The following PIGT variants were observed in gnomAD, a reference collection of about 807,000 sequenced individuals.
The protein encoded by PIGT is GPI-anchor transamidase component PIGT.
PIGT carries 57 observed loss-of-function variants against 66.7 expected under a neutral mutation model. The ratio of observed to expected loss-of-function variants is 0.86; its 90% confidence interval spans 0.69 to 1.07. The LOEUF is 1.07. PIGT is among the 50% of genes least tolerant of loss of function. The pLI, the probability that PIGT is intolerant of heterozygous loss-of-function variation, is 0.00. For synonymous variants in PIGT, 362 were observed against 320.5 expected, an observed-to-expected ratio of 1.13 and a Z score of -1.38; for missense variants, 725 against 740.4, an observed-to-expected ratio of 0.98 and a Z score of 0.24.
In PIGT at chr20:45,418,922, G is replaced by A. The variant is rs754691323; in HGVS notation, c.436G>A (p.Asp146Asn). ...GIFCASLNFI[D>N]STNTVTPTAS... Reference sequence around the variant, plus strand: ...CTTCTGCGCCTCTCTCAACTTCATCGACTCCACCAACACAGTCACTCCCAC... The same window carrying A: ...CTTCTGCGCCTCTCTCAACTTCATCAACTCCACCAACACAGTCACTCCCAC... The change falls in exon 3 of 12, where the codon GAC becomes AAC. Residue 146 changes from aspartate (D) to asparagine (N), a missense_variant. Coordinates refer to ENST00000279036, the MANE Select transcript of PIGT (RefSeq NM_015937.6). 16 of 1,613,954 alleles carry A rather than the reference G, an allele frequency of 9.9e-6. No individual in the cohort carries two copies. Among genetic ancestry groups the A allele is most frequent in the East Asian group, 2.2e-5 (1 of 44,876 alleles).
Position 45,418,995 on chromosome 20 carries a change from C to T in PIGT, c.493+16C>T, listed in dbSNP as rs776513228. The T allele has an allele frequency of 5.6e-6, 9 of 1,614,016 alleles. No homozygotes were observed. The highest frequency in any genetic ancestry group is 3.3e-5 in the Admixed American group (2 of 60,024). ...CTGGCCAATGGTGAGATAACCCCTA[C>T]AGCCCTTTCCTTCTTCCTCTTACCT... On this transcript the variant is annotated intron_variant, in intron 3 of 11. Coordinates refer to ENST00000279036, the MANE Select transcript of PIGT (RefSeq NM_015937.6).
At chr20:45,420,739 GA>G (rs1990310533) in intron 8 of PIGT, 46 bp downstream of exon 8, 5 of 1,591,482 alleles carry the variant, frequency 3.1e-6, no homozygotes, top group Non-Finnish European at 4.3e-6. Context: ...CGGCTACAGA[GA>G]AAAGACTCAC....
At chr20:45,418,639 G>T in intron 2 of PIGT, 1 of 538,652 alleles carries the variant, frequency 1.9e-6, no homozygotes, top group Non-Finnish European at 3.4e-6. Context: ...ATGCAGAGAT[G>T]TCCAGAGGAG....
At chr20:45,418,702 G>A in intron 2 of PIGT, 150 bp from the exon 3 acceptor site, 1 of 917,964 alleles carries the variant, frequency 1.1e-6, no homozygotes, top group Non-Finnish European at 1.7e-6. Flanking sequence ...GGCTGGCTGG[G>A]GGCAGCAATG....
intron 9 of PIGT, 22 bp downstream of exon 9, chr20:45,421,605 C>T (rs755879674): frequency 6.2e-7 from 1 of 1,604,774 alleles, no homozygotes; most frequent in African/African-American, 1.3e-5. Context: ...AGTCCTGAAC[C>T]AGGCCCCCAG....
At chr20:45,421,323 T>G (rs2145454304) in intron 8 of PIGT, 60 bp from the exon 9 acceptor site, 2 of 1,434,164 alleles carry the variant, frequency 1.4e-6, no homozygotes, top group Non-Finnish European at 1.9e-6. Context: ...CCTGGGCAGG[T>G]GGGGTGGGGA....
At chr20:45,423,031 G>C (rs1206149855) in intron 9 of PIGT, 1 of 148,152 alleles carries the variant, frequency 6.7e-6, no homozygotes, top group Admixed American at 6.7e-5. Flanking sequence ...ACATTGTGAG[G>C]CTCCCCCTAC....
In PIGT at chr20:45,420,228, G is replaced by T. The variant is rs1398815664; in HGVS notation, c.769+5G>T. The T allele has an allele frequency of 6.2e-7, 1 of 1,608,548 alleles. No individual in the cohort carries two copies. Among genetic ancestry groups the T allele is most frequent in the Non-Finnish European group, 8.5e-7 (1 of 1,176,696 alleles). On this transcript the variant is annotated splice_donor_5th_base_variant and intron_variant, in intron 6 of 11. Transcript: ENST00000279036. The stretch of plus-strand genomic sequence containing the variant: ...TCACGGGGCAGGGAAAGAAAGGTAA[G>T]TTACCTTGGCAACTCATCTGTACCC...
chr20:45,423,860 A>G (rs1990541187), intron 9 of PIGT: 1 of 288,454 alleles, frequency 3.5e-6, no homozygotes, highest in Admixed American at 4.3e-5. Flanking sequence ...TAGAAACCTG[A>G]TTAGATTCAT....
At chr20:45,417,655 G>A (rs570994957) in intron 2 of PIGT, 39 of 152,296 alleles carry the variant, frequency 2.6e-4, no homozygotes, top group African/African-American at 8.7e-4. Flanking sequence ...CCAGAAATCT[G>A]GAATTTAATG....
intron 9 of PIGT, chr20:45,422,364 C>A (rs1396639218): frequency 3.3e-5 from 5 of 151,886 alleles, no homozygotes; most frequent in Admixed American, 6.6e-5. Context: ...TGTTATTATT[C>A]TTTTAAATCT....
At chr20:45,424,106 A>C (rs1332910731) in intron 9 of PIGT, 110 bp from the exon 10 acceptor site, 1 of 961,808 alleles carries the variant, frequency 1.0e-6, no homozygotes, top group African/African-American at 1.6e-5. Flanking sequence ...TATGCTCCCA[A>C]GCCCATCTTC....
chr20:45,424,665 C>G (rs1366378184), intron 11 of PIGT, 86 bp downstream of exon 11: 1 of 965,992 alleles, frequency 1.0e-6, no homozygotes, highest in Non-Finnish European at 1.7e-6. Flanking sequence ...CAGGGGAGTT[C>G]AGGGTAGATG....
rs777540242 is a variant in PIGT at position 45,420,435 on chromosome 20, A to G, written c.867+6A>G. 44 of 1,612,236 alleles carry G rather than the reference A, an allele frequency of 2.7e-5. No individual in the cohort carries two copies. The highest frequency in any genetic ancestry group is 3.4e-5 in the Non-Finnish European group (40 of 1,179,040). ...ACATCACCACCTACAACCAGGTAACAAGGTCTCCAGCCACACACACAAACA... is the reference window on the plus strand; with the variant it reads ...ACATCACCACCTACAACCAGGTAACGAGGTCTCCAGCCACACACACAAACA... On this transcript the variant is annotated splice_donor_region_variant and intron_variant, in intron 7 of 11. Transcript: ENST00000279036.
chr20:45,418,750 A>G (rs1990147886), intron 2 of PIGT, 102 bp from the exon 3 acceptor site: 2 of 1,446,968 alleles, frequency 1.4e-6, no homozygotes, highest in Non-Finnish European at 1.9e-6. Flanking sequence ...ATAGTTAAGA[A>G]TACAGCCTCC....
intron 11 of PIGT, chr20:45,424,823 T>A: frequency 1.8e-6 from 1 of 549,528 alleles, no homozygotes; most frequent in South Asian, 2.1e-5. Flanking sequence ...TTCTTGATGC[T>A]CTTAAATATT....
chr20:45,421,495 G>A lies in PIGT; in HGVS notation c.1146G>A (p.Pro382=), dbSNP rs1485494258. The A allele has an allele frequency of 5.6e-6, 9 of 1,614,046 alleles. No homozygotes were observed. Among genetic ancestry groups the A allele is most frequent in the Middle Eastern group, 1.6e-4 (1 of 6,084 alleles). ...ACACCCACCCATACCGGGCCTTCCC[G>A]GTGCTGCTGCTGGACACCGTACCCT... ...LYNTHPYRAF[P]VLLLDTVPWY... The change falls in exon 9 of 12, where the codon CCG becomes CCA. Residue 382 remains proline (P), a synonymous_variant. Coordinates refer to ENST00000279036, the MANE Select transcript of PIGT (RefSeq NM_015937.6).
In PIGT at chr20:45,424,078, C is replaced by T. The variant is rs368489360; in HGVS notation, c.1235-138C>T. 27 of 703,430 alleles carry T rather than the reference C, an allele frequency of 3.8e-5. No homozygotes were observed. In the African/African-American group the frequency reaches 4.0e-4, roughly 11 times the overall value. The allele number at this position is 703,430 out of a possible 1,614,324, so 43.6% of individuals were successfully genotyped here. A position where few individuals can be genotyped will look rare whatever the true frequency, so the allele number is the denominator to read the frequency against. Reference sequence around the variant, plus strand: ...CCTTTTCTTAGCCCCTGCTTTCTTCCCTTGCCTGCCTGGCTTCTATGCTCC... The same window carrying T: ...CCTTTTCTTAGCCCCTGCTTTCTTCTCTTGCCTGCCTGGCTTCTATGCTCC... On this transcript the variant is annotated intron_variant, in intron 9 of 11. Coordinates refer to ENST00000279036, the MANE Select transcript of PIGT (RefSeq NM_015937.6).
chr20:45,421,591 C>T lies in PIGT; in HGVS notation c.1234+8C>T. ...GCAAGGAGAACAAACCAAGTGAGGA[C>T]CTGAGTCCTGAACCAGGCCCCCAGC... On this transcript the variant is annotated splice_region_variant and intron_variant, in intron 9 of 11. Coordinates refer to ENST00000279036, the MANE Select transcript of PIGT (RefSeq NM_015937.6). 1 of 1,613,098 alleles carries T rather than the reference C, an allele frequency of 6.2e-7. No individual in the cohort carries two copies. The highest frequency in any genetic ancestry group is 1.3e-5 in the African/African-American group (1 of 75,012).
Sources: allele counts gnomAD v4.1 joint callset, GRCh38; gene constraint gnomAD v4.1.1; transcripts MANE v1.5; gene names NCBI Gene and HGNC (gene_info 2026-07-23, HGNC 2026-07-21).